ACADL: variants seen among roughly 807,000 people sequenced by gnomAD.
ACADL encodes the protein long-chain specific acyl-CoA dehydrogenase, mitochondrial.
ACADL carries 60 observed loss-of-function variants against 56.9 expected under a neutral mutation model. That is an observed-to-expected ratio of 1.05 (90% CI 0.86 to 1.31). ACADL has a LOEUF of 1.31. Among genes scored for constraint, ACADL ranks in the 50% most tolerant of loss-of-function variants. ACADL has a pLI of 0.00. For missense variants in ACADL, 484 were observed against 525.5 expected, an observed-to-expected ratio of 0.92 and a Z score of 0.77; for synonymous variants, 158 against 179.7, an observed-to-expected ratio of 0.88 and a Z score of 0.97.
intron 6 of ACADL, among the ~76,000 whole-genome samples, 192 bp from the exon 7 acceptor site, chr2:210,204,874 C>T (rs1416649693): frequency 1.3e-5 from 2 of 152,176 alleles, no homozygotes; most frequent in Admixed American, 1.3e-4. Flanking sequence ...GATTCTAAAC[C>T]TTGTGGCTTT....
Position 210,205,616 on chromosome 2 carries a change from T to C in ACADL, c.768+16A>G. On this transcript the variant is annotated intron_variant, in intron 6 of 10. Transcript: ENST00000233710. ...AACTCAATTAGTATCTGAATATGAT[T>C]TACATTATCACTCACCTGGGCTTTT... 6.2e-7 allele frequency: 1 copy of C among 1,612,366 alleles called. No individual in the cohort carries two copies. The highest frequency in any genetic ancestry group is 2.2e-5 in the East Asian group (1 of 44,836).
At chr2:210,197,508 A>C (rs113775008) in intron 8 of ACADL, among the ~76,000 whole-genome samples, 1 of 152,340 alleles carries the variant, frequency 6.6e-6, no homozygotes, top group African/African-American at 2.4e-5. Flanking sequence ...AAAAAAGAAA[A>C]AAATAGGCAA....
At chr2:210,189,100 A>T (rs1371120768) in intron 10 of ACADL, 46 bp from the exon 11 acceptor site, 2 of 1,411,086 alleles carry the variant, frequency 1.4e-6, no homozygotes, top group East Asian at 4.6e-5. Flanking sequence ...TATATTAGAA[A>T]CTGTAAATTT....
rs1689114468 is a variant in ACADL, at chr2:210,217,971, T to TC, written c.364dup (p.Glu122GlyfsTer14). On this transcript the variant is annotated frameshift_variant, in exon 3 of 11. Transcript: ENST00000233710. LOFTEE classifies it high-confidence loss of function. Reference sequence around the variant, plus strand: ...TAAAAGTCTCCATACTTACTGCTCCTCCCAGACAATAGCTGCGGAGTACAG... The same window carrying TC: ...TAAAAGTCTCCATACTTACTGCTCCTCCCCAGACAATAGCTGCGGAGTACAG... 6.2e-7 allele frequency: 1 copy of TC among 1,613,904 alleles called. No homozygotes were observed. Among genetic ancestry groups the TC allele is most frequent in the Non-Finnish European group, 8.5e-7 (1 of 1,179,972 alleles).
chr2:210,217,725 A>G (rs1328045079), intron 3 of ACADL: 1 of 491,880 alleles, frequency 2.0e-6, no homozygotes, highest in Non-Finnish European at 3.6e-6. Context: ...GGAAAAAAAA[A>G]CTATCTCTTT....
Position 210,204,673 on chromosome 2 carries a change from C to A in ACADL, c.778G>T (p.Glu260Ter). ...AACCGTATATCTTCAAAGAATAGTT[C>A]TGCGGTATCCTAAGAGACCATACAA... ...KMGLKAQDTAELFFEDIRLPA... is the reference protein window; with the variant it reads ...KMGLKAQDTA The change falls in exon 7 of 11, where the codon GAA (glutamate) becomes TAA (stop). Residue 260 changes from glutamate to a stop codon, truncating the protein, a stop_gained. Coordinates refer to ENST00000233710, the MANE Select transcript of ACADL (RefSeq NM_001608.4). LOFTEE classifies it high-confidence loss of function. The A allele has an allele frequency of 6.2e-7, 1 of 1,607,512 alleles. No homozygotes were observed. The highest frequency in any genetic ancestry group is 8.5e-7 in the Non-Finnish European group (1 of 1,174,304).
intron 10 of ACADL, among the ~76,000 whole-genome samples, 188 bp from the exon 11 acceptor site, chr2:210,189,242 G>A (rs888996769): frequency 6.6e-6 from 1 of 151,884 alleles, no homozygotes; most frequent in Admixed American, 6.6e-5. Flanking sequence ...CTATTAAGAT[G>A]TTAATAATCT....
At chr2:210,196,087 G>C (rs1688706730) in intron 8 of ACADL, among the ~76,000 whole-genome samples, 1 of 152,070 alleles carries the variant, frequency 6.6e-6, no homozygotes, top group Non-Finnish European at 1.5e-5. Flanking sequence ...TTTGTCCCAT[G>C]ATGTTCTTGT....
At chr2:210,215,057 C>T (rs767863993) in intron 4 of ACADL, among the ~76,000 whole-genome samples, 1 of 152,190 alleles carries the variant, frequency 6.6e-6, no homozygotes, top group Admixed American at 6.5e-5. Context: ...CTGACCTCCG[C>T]AAAAACAATT....
intron 3 of ACADL, chr2:210,216,745 T>G (rs904323023): frequency 4.9e-5 from 22 of 448,474 alleles, no homozygotes; most frequent in Non-Finnish European, 7.3e-5. Context: ...AATTGAGAGA[T>G]AAAATATTTT....
chr2:210,190,923 GTT>G (rs55775332), intron 10 of ACADL, among the ~76,000 whole-genome samples: 1 of 142,312 alleles, frequency 7.0e-6, no homozygotes, highest in Non-Finnish European at 1.5e-5. Flanking sequence ...GTTGTTGTTT[GTT>G]TTTTTTTTTT....
Position 210,210,297 on chromosome 2 carries a change from A to G in ACADL, c.537-35T>C, listed in dbSNP as rs773432082. ...AAAGAAAAGATAAAAAATTCATCAAATGATAAAAATTAAATTATACAAATG... is the reference window on the plus strand; with the variant it reads ...AAAGAAAAGATAAAAAATTCATCAAGTGATAAAAATTAAATTATACAAATG... On this transcript the variant is annotated intron_variant, in intron 4 of 10. Transcript: ENST00000233710. The G allele has an allele frequency of 6.9e-6, 10 of 1,449,778 alleles. No homozygotes were observed. In the South Asian group the frequency reaches 1.0e-4, roughly 15 times the overall value. 89.8% of individuals were successfully genotyped at this position (1,449,778 alleles called of 1,614,324 possible).
chr2:210,196,543 G>A (rs1688713731), intron 8 of ACADL, among the ~76,000 whole-genome samples: 1 of 152,030 alleles, frequency 6.6e-6, no homozygotes, highest in African/African-American at 2.4e-5. Context: ...CCTGACTCTA[G>A]GCTCTCACAC....
At chr2:210,192,989 G>A (rs770303839) in intron 9 of ACADL, 99 bp from the exon 10 acceptor site, 10 of 897,676 alleles carry the variant, frequency 1.1e-5, no homozygotes, top group Non-Finnish European at 1.4e-5. Context: ...TTGTTTAAAT[G>A]TGCACATTTA....
intron 9 of ACADL, among the ~76,000 whole-genome samples, chr2:210,194,738 A>G (rs1688681561): frequency 6.6e-6 from 1 of 152,198 alleles, no homozygotes; most frequent in African/African-American, 2.4e-5. Context: ...CACAGATAAC[A>G]AAAACATTTT....
chr2:210,199,299 T>C (rs974834016), intron 8 of ACADL, among the ~76,000 whole-genome samples: 3 of 152,106 alleles, frequency 2.0e-5, no homozygotes, highest in Non-Finnish European at 2.9e-5. Context: ...TCAGAACATA[T>C]AAACTTACTT....
At chr2:210,201,016 G>A (rs985918881) in intron 8 of ACADL, among the ~76,000 whole-genome samples, 6 of 152,140 alleles carry the variant, frequency 3.9e-5, no homozygotes, top group African/African-American at 1.4e-4. Context: ...CAGCCTAAAG[G>A]CTGAAAAACC....
At chr2:210,190,057 G>C (rs1688607594) in intron 10 of ACADL, among the ~76,000 whole-genome samples, 1 of 151,388 alleles carries the variant, frequency 6.6e-6, no homozygotes, top group Admixed American at 6.6e-5. Flanking sequence ...GTATAATCTT[G>C]GTGTTTTGTT....
chr2:210,216,521 A>G lies in ACADL; in HGVS notation c.372-10T>C, dbSNP rs1481115569. 2 of 1,609,548 alleles carry G rather than the reference A, an allele frequency of 1.2e-6. No homozygotes were observed. Among genetic ancestry groups the G allele is most frequent in the African/African-American group, 2.7e-5 (2 of 74,800 alleles). On this transcript the variant is annotated splice_polypyrimidine_tract_variant and intron_variant, in intron 3 of 10. Coordinates refer to ENST00000233710, the MANE Select transcript of ACADL (RefSeq NM_001608.4). ...ACAATTTGAATAAGCTCTTAGAATGAAAAAAGAAGAAAAATTAGAGCATAA... is the reference window on the plus strand; with the variant it reads ...ACAATTTGAATAAGCTCTTAGAATGGAAAAAGAAGAAAAATTAGAGCATAA...
Sources: gnomAD v4.1 joint callset for allele counts (sites outside exome capture counted in the v4.1 genomes callset) on GRCh38, gnomAD v4.1.1 for gene constraint, MANE v1.5 for transcripts, NCBI Gene and HGNC (gene_info 2026-07-23, HGNC 2026-07-21) for gene names.